Variants in MCTP2 observed in about 807,000 individuals in gnomAD.
MCTP2 encodes multiple C2 and transmembrane domain-containing protein 2.
A neutral mutation model predicts 111.6 loss-of-function variants in MCTP2; 132 were observed. The observed-to-expected ratio is 1.18, with a 90% CI of 1.03 to 1.37. MCTP2 has a LOEUF of 1.37. Ranked by LOEUF, MCTP2 falls within the 40% of genes most tolerant of loss-of-function variation. The probability of loss-of-function intolerance (pLI) is 0.00; values close to 1 mark genes in which losing one functional copy is unlikely to be tolerated. For synonymous variants in MCTP2, 395 were observed against 387.7 expected, an observed-to-expected ratio of 1.02 and a Z score of -0.22; for missense variants, 1,183 against 1,067.9, an observed-to-expected ratio of 1.11 and a Z score of -1.50.
In MCTP2 at chr15:94,390,098, A is replaced by ATATATATGTATATATATATG. The variant is rs1567603090; in HGVS notation, c.1788+4580_1788+4581insGTATATATATATGTATATAT. Among the ~76,000 whole-genome samples, 63 of 34,398 alleles carry ATATATATGTATATATATATG rather than the reference A, an allele frequency of 1.8e-3. 1 individual carries two copies. The highest frequency in any genetic ancestry group is 0.018 in the East Asian group (30 of 1,642). The allele number at this position is 34,398 out of a possible 152,430, so 22.6% of individuals were successfully genotyped here. A position where few individuals can be genotyped will look rare whatever the true frequency, so the allele number is the denominator to read the frequency against. ...TATATATATATATATATGTATATATATATATATATATATATGTATATATAT... is the reference window on the plus strand; with the variant it reads ...TATATATATATATATATGTATATATATATATATGTATATATATATGTATATATATATATATGTATATATAT... On this transcript the variant is annotated intron_variant, in intron 14 of 22. Coordinates refer to ENST00000357742, the MANE Select transcript of MCTP2 (RefSeq NM_001385001.1).
At position 94,340,941 on chromosome 15, in the gene MCTP2, A is replaced by G. The variant is rs749694002; in HGVS notation, c.969+17A>G. 3.4e-6 allele frequency: 5 copies of G among 1,487,432 alleles called. No individual in the cohort carries two copies. The highest frequency in any genetic ancestry group is 2.8e-5 in the African/African-American group (2 of 72,108). The allele number at this position is 1,487,432 out of a possible 1,614,324, so 92.1% of individuals were successfully genotyped here. A position where few individuals can be genotyped will look rare whatever the true frequency, so the allele number is the denominator to read the frequency against. ...AAGAGACACGTAAGTGGGACCTTCT[A>G]TTCTTTTGAAACCTCTCATTTTGTC... On this transcript the variant is annotated intron_variant, in intron 7 of 22. Transcript: ENST00000357742.
chr15:94,319,045 T>TG (rs919749525), intron 4 of MCTP2, among the ~76,000 whole-genome samples: 23 of 152,138 alleles, frequency 1.5e-4, no homozygotes, highest in African/African-American at 5.1e-4. Flanking sequence ...TGGTTTTTTT[T>TG]TTTTTCTTTC....
At chr15:94,357,516 A>C (rs1182039941) in intron 9 of MCTP2, among the ~76,000 whole-genome samples, 1 of 151,486 alleles carries the variant, frequency 6.6e-6, no homozygotes, top group Non-Finnish European at 1.5e-5. Flanking sequence ...GGAATACTGC[A>C]TTTAATTTGT....
intron 14 of MCTP2, among the ~76,000 whole-genome samples, chr15:94,389,598 G>GT (rs975579940): frequency 1.3e-5 from 2 of 151,928 alleles, no homozygotes; most frequent in Admixed American, 6.6e-5. Flanking sequence ...TTGTTTCTCT[G>GT]TTTTTTTGTT....
intron 17 of MCTP2, among the ~76,000 whole-genome samples, chr15:94,419,437 T>C (rs1182780173): frequency 6.6e-6 from 1 of 151,770 alleles, no homozygotes; most frequent in Non-Finnish European, 1.5e-5. Context: ...AATATGAAGG[T>C]TTTATTAGAG....
At position 94,481,465 on chromosome 15, in the gene MCTP2, T is replaced by G. The variant is rs1021537456; in HGVS notation, c.*2431T>G. On this transcript the variant is annotated 3_prime_UTR_variant, in exon 23 of 23. Coordinates refer to ENST00000357742, the MANE Select transcript of MCTP2 (RefSeq NM_001385001.1). ...ATGCATTAACCACTTCTGTTCTGATTTCCACCACCCAAGTGGAGGCCTTCA... is the reference window on the plus strand; with the variant it reads ...ATGCATTAACCACTTCTGTTCTGATGTCCACCACCCAAGTGGAGGCCTTCA... 6.6e-6 allele frequency: 1 copy of G among 152,284 alleles called. No individual in the cohort carries two copies. The highest frequency in any genetic ancestry group is 1.5e-5 in the Non-Finnish European group (1 of 68,078). 9.4% of individuals were successfully genotyped at this position (152,284 alleles called of 1,614,324 possible). A position where few individuals can be genotyped will look rare whatever the true frequency, so the allele number is the denominator to read the frequency against.
chr15:94,316,480 G>A (rs1341505912), intron 4 of MCTP2, among the ~76,000 whole-genome samples: 1 of 152,188 alleles, frequency 6.6e-6, no homozygotes, highest in African/African-American at 2.4e-5. Context: ...TTGGATCTGA[G>A]AAATGTTGCT....
intron 14 of MCTP2, among the ~76,000 whole-genome samples, chr15:94,386,132 A>C (rs1490626559): frequency 6.6e-6 from 1 of 152,170 alleles, no homozygotes; most frequent in African/African-American, 2.4e-5. Context: ...AATACTTACA[A>C]AATTCAGAAG....
intron 11 of MCTP2, 31 bp downstream of exon 11, chr15:94,367,822 CT>C: frequency 6.5e-7 from 1 of 1,535,198 alleles, no homozygotes; most frequent in Non-Finnish European, 8.8e-7. Flanking sequence ...TACACTCCCC[CT>C]CCTCCCACCT....
rs114024398 is a variant in MCTP2 at position 94,465,765 on chromosome 15, G to T, written c.2361-4568G>T. On this transcript the variant is annotated intron_variant, in intron 20 of 22. Coordinates refer to ENST00000357742, the MANE Select transcript of MCTP2 (RefSeq NM_001385001.1). ...ATAGTAGTGTTTACTTGCTTGTTCC[G>T]TGTCTTTTTATTTCTTCTGTATCTT... 7.6e-3 allele frequency among the ~76,000 whole-genome samples: 1,154 copies of T among 151,012 alleles called. 19 individuals carry two copies. The highest frequency in any genetic ancestry group is 0.025 in the African/African-American group (1,043 of 41,282).
chr15:94,325,437 T>A (rs1449753259), intron 4 of MCTP2, among the ~76,000 whole-genome samples: 2 of 152,320 alleles, frequency 1.3e-5, no homozygotes, highest in Admixed American at 1.3e-4. Flanking sequence ...GATTTCCCCA[T>A]CCTTTTTATC....
chr15:94,383,948 G>T, intron 12 of MCTP2, 74 bp from the exon 13 acceptor site: 1 of 1,075,858 alleles, frequency 9.3e-7, no homozygotes, highest in South Asian at 1.3e-5. Context: ...AACTTTATCT[G>T]ACTCTTGTTC....
chr15:94,254,403 G>A (rs189514106), intron 1 of MCTP2, among the ~76,000 whole-genome samples: 48 of 152,228 alleles, frequency 3.2e-4, no homozygotes, highest in Non-Finnish European at 4.4e-5. Context: ...ATACATACTG[G>A]CTGACAAGTT....
chr15:94,343,347 TTGGG>T (rs1209630611), intron 7 of MCTP2: 1 of 152,118 alleles, frequency 6.6e-6, no homozygotes, highest in African/African-American at 2.4e-5. Context: ...AGTAGATTAT[TTGGG>T]TGAGATAATT....
chr15:94,277,605 A>G (rs1415208992), intron 1 of MCTP2, among the ~76,000 whole-genome samples: 2 of 152,182 alleles, frequency 1.3e-5, no homozygotes, highest in Admixed American at 6.5e-5. Context: ...GCTCTTTGAC[A>G]TTCTGGGAAG....
At chr15:94,280,196 A>G (rs2074407429) in intron 1 of MCTP2, among the ~76,000 whole-genome samples, 1 of 152,002 alleles carries the variant, frequency 6.6e-6, no homozygotes, top group African/African-American at 2.4e-5. Flanking sequence ...ATCTGGTAGT[A>G]TTTGGCTGTA....
At chr15:94,409,002 C>T (rs1567648560) in intron 17 of MCTP2, among the ~76,000 whole-genome samples, 1 of 152,146 alleles carries the variant, frequency 6.6e-6, no homozygotes, top group Non-Finnish European at 1.5e-5. Context: ...ATTTTCTTTT[C>T]AGGATTCTGT....
At chr15:94,288,901 A>AT (rs1447428018) in intron 1 of MCTP2, among the ~76,000 whole-genome samples, 1 of 152,228 alleles carries the variant, frequency 6.6e-6, no homozygotes, top group Non-Finnish European at 1.5e-5. Flanking sequence ...CACTATATGG[A>AT]TTCAATAGCA....
At chr15:94,291,207 T>A (rs577599724) in intron 1 of MCTP2, among the ~76,000 whole-genome samples, 76 of 152,298 alleles carry the variant, frequency 5.0e-4, no homozygotes, top group African/African-American at 1.5e-3. Context: ...AACTGGAAAT[T>A]AATAAAAAGA....
Sources: allele counts gnomAD v4.1 joint callset (sites outside exome capture counted in the v4.1 genomes callset), GRCh38; gene constraint gnomAD v4.1.1; transcripts MANE v1.5; gene names NCBI Gene and HGNC (gene_info 2026-07-23, HGNC 2026-07-21).